The following XRCC4 variants were observed in gnomAD, a reference collection of about 807,000 sequenced individuals.
XRCC4 encodes DNA repair protein XRCC4.
Under a neutral mutation model 39.1 loss-of-function variants are expected in XRCC4, and 28 were observed. The observed-to-expected ratio is 0.72, with a 90% CI of 0.53 to 0.98. The LOEUF is 0.98. Ranked by LOEUF, XRCC4 falls within the 50% of genes least tolerant of loss-of-function variation. The pLI, the probability that XRCC4 is intolerant of heterozygous loss-of-function variation, is 0.00. For missense variants in XRCC4, 350 were observed against 376.4 expected (o/e 0.93, Z 0.58); for synonymous variants, 123 against 126.4 (o/e 0.97, Z 0.18).
At chr5:83,177,634 G>A (rs116097700) in intron 3 of XRCC4, among the ~76,000 whole-genome samples, 2,296 of 152,196 alleles carry the variant, frequency 0.015, 56 homozygotes, top group African/African-American at 0.051. Context: ...TAGGGTCAGA[G>A]TGATGTGATT....
chr5:83,335,757 C>A (rs1291952294), intron 7 of XRCC4, among the ~76,000 whole-genome samples: 1 of 151,898 alleles, frequency 6.6e-6, no homozygotes, highest in East Asian at 1.9e-4. Context: ...ATAATTGCTA[C>A]CTCTAATAGC....
intron 3 of XRCC4, among the ~76,000 whole-genome samples, chr5:83,161,886 T>G (rs1749229729): frequency 6.6e-6 from 1 of 152,194 alleles, no homozygotes; most frequent in Admixed American, 6.5e-5. Flanking sequence ...CATATGCCTT[T>G]AAAATGTTAT....
chr5:83,195,216 A>G (rs564819823), intron 3 of XRCC4, among the ~76,000 whole-genome samples: 12 of 152,252 alleles, frequency 7.9e-5, no homozygotes, highest in African/African-American at 2.6e-4. Flanking sequence ...AAAGTACTAA[A>G]GCTTGACACT....
chr5:83,199,279 A>G lies in XRCC4; in HGVS notation c.482+3343A>G, dbSNP rs144725939. Among the ~76,000 whole-genome samples, 1,515 of 152,246 alleles carry G rather than the reference A, an allele frequency of 1.0e-2. 25 individuals carry two copies. Among genetic ancestry groups the G allele is most frequent in the African/African-American group, 0.034 (1,415 of 41,540 alleles). On this transcript the variant is annotated intron_variant, in intron 4 of 7. Coordinates refer to ENST00000396027, the MANE Select transcript of XRCC4 (RefSeq NM_003401.5). Reference sequence around the variant, plus strand: ...AGTCAGAAAATTCTTTCTTCCATCTATGGGTAATCTGAATCCTTCACGGTA... The same window carrying G: ...AGTCAGAAAATTCTTTCTTCCATCTGTGGGTAATCTGAATCCTTCACGGTA...
intron 3 of XRCC4, among the ~76,000 whole-genome samples, chr5:83,185,636 A>G (rs184992361): frequency 4.1e-4 from 62 of 152,066 alleles, no homozygotes; most frequent in African/African-American, 1.2e-3. Flanking sequence ...TAATAATAAA[A>G]CATAGTATAA....
At chr5:83,327,452 T>C (rs1257720179) in intron 7 of XRCC4, among the ~76,000 whole-genome samples, 1 of 152,006 alleles carries the variant, frequency 6.6e-6, no homozygotes, top group African/African-American at 2.4e-5. Context: ...TATAAAATGG[T>C]TCACTAGTAA....
chr5:83,277,494 C>T (rs553425030), intron 7 of XRCC4, among the ~76,000 whole-genome samples: 2 of 152,318 alleles, frequency 1.3e-5, no homozygotes, highest in African/African-American at 4.8e-5. Flanking sequence ...AAAGCTTTGT[C>T]ATTTCAATCC....
chr5:83,344,000 C>A (rs1756840236), intron 7 of XRCC4, among the ~76,000 whole-genome samples: 1 of 152,064 alleles, frequency 6.6e-6, no homozygotes. Flanking sequence ...GCCAAAGCTA[C>A]AAAATCTAGA....
chr5:83,164,282 A>G (rs1749354534), intron 3 of XRCC4, among the ~76,000 whole-genome samples: 1 of 152,158 alleles, frequency 6.6e-6, no homozygotes, highest in Non-Finnish European at 1.5e-5. Context: ...GTGAATTTCA[A>G]ACGTTTAAGT....
intron 6 of XRCC4, among the ~76,000 whole-genome samples, chr5:83,256,666 T>C (rs1371938274): frequency 6.6e-6 from 1 of 151,978 alleles, no homozygotes; most frequent in Non-Finnish European, 1.5e-5. Flanking sequence ...TCCTTTTTAA[T>C]TTACCCTTAT....
chr5:83,187,899 T>G (rs1028012052), intron 3 of XRCC4, among the ~76,000 whole-genome samples: 1 of 152,170 alleles, frequency 6.6e-6, no homozygotes, highest in Non-Finnish European at 1.5e-5. Context: ...TAGTGATGAC[T>G]GTATTGAACA....
intron 6 of XRCC4, among the ~76,000 whole-genome samples, chr5:83,248,895 A>G (rs548404883): frequency 3.9e-5 from 6 of 152,208 alleles, no homozygotes; most frequent in Non-Finnish European, 8.8e-5. Flanking sequence ...GTGGTACAAC[A>G]TAAAGAAAAC....
chr5:83,153,371 G>T (rs1161157380), intron 3 of XRCC4, among the ~76,000 whole-genome samples: 1 of 151,974 alleles, frequency 6.6e-6, no homozygotes, highest in Non-Finnish European at 1.5e-5. Context: ...ACAATGCCCG[G>T]CTAATTTTTG....
At chr5:83,085,462 A>G (rs1042909793) in intron 1 of XRCC4, among the ~76,000 whole-genome samples, 3 of 135,660 alleles carry the variant, frequency 2.2e-5, no homozygotes, top group Non-Finnish European at 4.7e-5. Context: ...AAAAAGTTAA[A>G]GTTTAAATGT....
At chr5:83,095,994 C>T (rs556903282) in intron 1 of XRCC4, among the ~76,000 whole-genome samples, 1 of 151,530 alleles carries the variant, frequency 6.6e-6, no homozygotes, top group South Asian at 2.1e-4. Context: ...TACACGAATC[C>T]CAGAAGTTCT....
chr5:83,115,957 T>G (rs973203889), intron 3 of XRCC4, among the ~76,000 whole-genome samples: 1 of 152,214 alleles, frequency 6.6e-6, no homozygotes, highest in Admixed American at 6.5e-5. Flanking sequence ...GGTAAAACTT[T>G]CAGTGGATGG....
rs1756323776 is a variant in XRCC4, at chr5:83,328,105, A to T, written c.894-25026A>T. The stretch of plus-strand genomic sequence containing the variant: ...AGAATCATGGCGGGAGGCAAAAGGC[A>T]CTTCTTACATGGCAGCAGCAAGAGA... On this transcript the variant is annotated intron_variant, in intron 7 of 7. Transcript: ENST00000396027. Among the ~76,000 whole-genome samples, 6 of 152,212 alleles carry T rather than the reference A, an allele frequency of 3.9e-5. No individual in the cohort carries two copies. In the South Asian group the frequency reaches 1.2e-3, roughly 32 times the overall value.
At chr5:83,106,232 C>T (rs572480946) in intron 2 of XRCC4, among the ~76,000 whole-genome samples, 2 of 152,166 alleles carry the variant, frequency 1.3e-5, no homozygotes, top group African/African-American at 4.8e-5. Flanking sequence ...GACAATATTT[C>T]TTGTTTTAGG....
intron 3 of XRCC4, among the ~76,000 whole-genome samples, chr5:83,189,996 G>A (rs13187772): frequency 3.0e-3 from 458 of 152,228 alleles, no homozygotes; most frequent in Non-Finnish European, 4.6e-3. Flanking sequence ...CCCAGGAGGC[G>A]GAGCTTGCAA....
Sources: gnomAD v4.1 joint callset for allele counts (sites outside exome capture counted in the v4.1 genomes callset) on GRCh38, gnomAD v4.1.1 for gene constraint, MANE v1.5 for transcripts, NCBI Gene and HGNC (gene_info 2026-07-23, HGNC 2026-07-21) for gene names.